The following BBS9 variants were observed in gnomAD, a reference collection of about 807,000 sequenced individuals.
BBS9 encodes protein PTHB1.
BBS9 carries 89 observed loss-of-function variants against 117.7 expected under a neutral mutation model. The observed-to-expected ratio is 0.76, with a 90% CI of 0.64 to 0.90. BBS9 has a LOEUF of 0.90. BBS9 is among the 40% of genes least tolerant of loss of function. The pLI is 0.00. For missense variants in BBS9, 982 were observed against 1,042.2 expected, an observed-to-expected ratio of 0.94 and a Z score of 0.80; for synonymous variants, 379 against 370.9, an observed-to-expected ratio of 1.02 and a Z score of -0.25.
At chr7:33,402,271 C>T (rs1238226366) in intron 19 of BBS9, among the ~76,000 whole-genome samples, 1 of 152,026 alleles carries the variant, frequency 6.6e-6, no homozygotes, top group African/African-American at 2.4e-5. Context: ...AGAGTTGCAC[C>T]CAATTTCTTC....
At chr7:33,378,420 G>A (rs965314965) in intron 17 of BBS9, among the ~76,000 whole-genome samples, 4 of 151,988 alleles carry the variant, frequency 2.6e-5, no homozygotes, top group South Asian at 2.1e-4. Context: ...AGAGAATTTC[G>A]TCCCTTTGAT....
chr7:33,294,286 CT>C (rs1431011328), intron 9 of BBS9, among the ~76,000 whole-genome samples: 1 of 149,184 alleles, frequency 6.7e-6, no homozygotes, highest in Non-Finnish European at 1.5e-5. Flanking sequence ...TTCCATCTAT[CT>C]ATCATCTATC....
At chr7:33,334,683 G>T (rs1814918548) in intron 9 of BBS9, among the ~76,000 whole-genome samples, 1 of 152,096 alleles carries the variant, frequency 6.6e-6, no homozygotes, top group Non-Finnish European at 1.5e-5. Flanking sequence ...GTTTTCTGAG[G>T]GGTAGATGGC....
At chr7:33,309,503 A>G (rs79688962) in intron 9 of BBS9, among the ~76,000 whole-genome samples, 5,776 of 152,288 alleles carry the variant, frequency 0.038, 199 homozygotes, top group African/African-American at 0.089. Context: ...GACTTTTTAT[A>G]TAGGGGCATG....
At chr7:33,340,232 T>A (rs1004989800) in intron 10 of BBS9, among the ~76,000 whole-genome samples, 1 of 152,110 alleles carries the variant, frequency 6.6e-6, no homozygotes, top group Non-Finnish European at 1.5e-5. Flanking sequence ...AAAATATTCA[T>A]GTTTATGTAA....
chr7:33,229,808 A>G (rs149564083), intron 5 of BBS9, among the ~76,000 whole-genome samples: 107 of 152,170 alleles, frequency 7.0e-4, no homozygotes, highest in African/African-American at 2.5e-3. Flanking sequence ...TGATCATTCT[A>G]TTTTTAATTT....
chr7:33,461,547 G>A (rs1326028363), intron 19 of BBS9, among the ~76,000 whole-genome samples: 1 of 151,672 alleles, frequency 6.6e-6, no homozygotes, highest in Non-Finnish European at 1.5e-5. Flanking sequence ...AAAGATTCCA[G>A]GCTTTTAATT....
rs773383679 is a variant in BBS9 at position 33,273,057 on chromosome 7, A to G, written c.748A>G (p.Ile250Val). The change falls in exon 8 of 23, where the codon ATT becomes GTT. Residue 250 changes from isoleucine to valine, a missense_variant. Coordinates refer to ENST00000242067, the MANE Select transcript of BBS9 (RefSeq NM_198428.3). Reference sequence around the variant, plus strand: ...TGGAGAGCAAGCCCTTGACATATGTATTGTCTCTTTCAATCAGTCGGCATC... The same window carrying G: ...TGGAGAGCAAGCCCTTGACATATGTGTTGTCTCTTTCAATCAGTCGGCATC... ...NIGEQALDIC[I>V]VSFNQSASSV... 6 of 1,613,558 alleles carry G rather than the reference A, an allele frequency of 3.7e-6. No individual in the cohort carries two copies. The highest frequency in any genetic ancestry group is 1.7e-5 in the Admixed American group (1 of 59,984).
At chr7:33,202,566 A>G (rs1181787109) in intron 5 of BBS9, among the ~76,000 whole-genome samples, 1 of 152,196 alleles carries the variant, frequency 6.6e-6, no homozygotes, top group Non-Finnish European at 1.5e-5. Context: ...GGTAGGCCTC[A>G]GGAAACTTAC....
intron 6 of BBS9, among the ~76,000 whole-genome samples, chr7:33,258,730 T>C (rs891059648): frequency 6.6e-6 from 1 of 152,218 alleles, no homozygotes; most frequent in African/African-American, 2.4e-5. Flanking sequence ...AGTGCTATGC[T>C]AGAGCCACAG....
chr7:33,574,073 C>G (rs1388940298), intron 21 of BBS9, among the ~76,000 whole-genome samples: 3 of 152,120 alleles, frequency 2.0e-5, no homozygotes. Context: ...TACCTGATAT[C>G]ACATAGCATT....
At chr7:33,533,032 C>T (rs1397385611) in intron 20 of BBS9, among the ~76,000 whole-genome samples, 2 of 152,186 alleles carry the variant, frequency 1.3e-5, no homozygotes, top group Non-Finnish European at 2.9e-5. Context: ...TTAGGACCTC[C>T]AGATCCCCAC....
At chr7:33,579,961 G>C (rs1021362995) in intron 21 of BBS9, among the ~76,000 whole-genome samples, 2 of 152,050 alleles carry the variant, frequency 1.3e-5, no homozygotes, top group African/African-American at 4.8e-5. Flanking sequence ...CACCATAAAT[G>C]CAGCAAAAAG....
chr7:33,391,699 T>C (rs1827102716), intron 19 of BBS9, among the ~76,000 whole-genome samples: 1 of 152,246 alleles, frequency 6.6e-6, no homozygotes, highest in Non-Finnish European at 1.5e-5. Flanking sequence ...TTTAATATTC[T>C]ATCATGTTCA....
At chr7:33,385,056 T>C (rs1825774624) in intron 18 of BBS9, among the ~76,000 whole-genome samples, 1 of 152,202 alleles carries the variant, frequency 6.6e-6, no homozygotes, top group Non-Finnish European at 1.5e-5. Context: ...CTTGCTTCGC[T>C]GTTGGAAACT....
chr7:33,166,899 A>G (rs1002841648), intron 4 of BBS9, among the ~76,000 whole-genome samples: 1 of 152,094 alleles, frequency 6.6e-6, no homozygotes, highest in Admixed American at 6.6e-5. Flanking sequence ...CCACTGTCCA[A>G]CCAGTCCCAA....
intron 11 of BBS9, among the ~76,000 whole-genome samples, chr7:33,343,512 T>G (rs1027247113): frequency 6.6e-6 from 1 of 152,028 alleles, no homozygotes; most frequent in Non-Finnish European, 1.5e-5. Flanking sequence ...CGCCCCTTTA[T>G]TTTTGAGACA....
At chr7:33,570,463 A>C (rs928919203) in intron 21 of BBS9, among the ~76,000 whole-genome samples, 1 of 152,244 alleles carries the variant, frequency 6.6e-6, no homozygotes, top group Non-Finnish European at 1.5e-5. Context: ...TATTCCTTAC[A>C]GTAAAATTCC....
chr7:33,232,943 A>G (rs12666753), intron 5 of BBS9, among the ~76,000 whole-genome samples: 22,234 of 152,200 alleles, frequency 0.15, 1,967 homozygotes, highest in South Asian at 0.23. Flanking sequence ...TCATCTGTTT[A>G]GAAAATGGTT....
Sources: allele counts gnomAD v4.1 joint callset (sites outside exome capture counted in the v4.1 genomes callset), GRCh38; gene constraint gnomAD v4.1.1; transcripts MANE v1.5; gene names NCBI Gene and HGNC (gene_info 2026-07-23, HGNC 2026-07-21).